The following RUFY3 variants were observed in gnomAD, a reference collection of about 807,000 sequenced individuals.
The protein encoded by RUFY3 is RUN and FYVE domain containing 3.
In RUFY3, 34 loss-of-function variants were observed where a neutral mutation model predicts 84.0. That is an observed-to-expected ratio of 0.40 (90% CI 0.31 to 0.54). RUFY3 has a LOEUF of 0.54. Ranked by LOEUF, RUFY3 falls within the 20% of genes least tolerant of loss-of-function variation. RUFY3 has a pLI of 0.39. For missense variants in RUFY3, 507 were observed against 736.8 expected, an observed-to-expected ratio of 0.69 and a Z score of 3.61; for synonymous variants, 242 against 252.9, an observed-to-expected ratio of 0.96 and a Z score of 0.41.
chr4:70,750,584 G>T (rs977449306), intron 1 of RUFY3, among the ~76,000 whole-genome samples: 1 of 152,126 alleles, frequency 6.6e-6, no homozygotes, highest in Non-Finnish European at 1.5e-5. Context: ...GTACAATTCA[G>T]TGGTGGTTAG....
chr4:70,804,497 C>A, intron 17 of RUFY3, 81 bp downstream of exon 17: 1 of 1,225,612 alleles, frequency 8.2e-7, no homozygotes, highest in Non-Finnish European at 1.2e-6. Context: ...GTAACAGGGA[C>A]TTTCCCGCAT....
intron 1 of RUFY3, among the ~76,000 whole-genome samples, chr4:70,708,850 G>A (rs1366765428): frequency 6.6e-6 from 1 of 152,038 alleles, no homozygotes; most frequent in Non-Finnish European, 1.5e-5. Flanking sequence ...TTGGAGACCA[G>A]CCTGTACATA....
intron 1 of RUFY3, among the ~76,000 whole-genome samples, chr4:70,726,521 G>A (rs1718269110): frequency 6.6e-6 from 1 of 152,140 alleles, no homozygotes; most frequent in Admixed American, 6.5e-5. Flanking sequence ...TTACAGGCAT[G>A]CGCCACCACG....
At chr4:70,768,776 G>T in intron 5 of RUFY3, 115 bp downstream of exon 5, 2 of 951,526 alleles carry the variant, frequency 2.1e-6, no homozygotes, top group South Asian at 2.1e-5. Flanking sequence ...TCATAAACAG[G>T]ATTTCCTTCC....
At chr4:70,790,788 T>A (rs997341884) in intron 12 of RUFY3, among the ~76,000 whole-genome samples, 12 of 152,228 alleles carry the variant, frequency 7.9e-5, no homozygotes, top group Non-Finnish European at 1.6e-4. Context: ...ATTCAGTAGA[T>A]ATATGAATGA....
chr4:70,756,977 A>AT (rs943069210), intron 1 of RUFY3, among the ~76,000 whole-genome samples: 5 of 151,844 alleles, frequency 3.3e-5, no homozygotes, highest in Admixed American at 1.3e-4. Flanking sequence ...CAAAAAAAAA[A>AT]TTTTTTTAAT....
intron 1 of RUFY3, among the ~76,000 whole-genome samples, chr4:70,733,095 GGAGAGAGAGAGA>G (rs1203024723): frequency 1.6e-5 from 1 of 61,710 alleles, no homozygotes; most frequent in East Asian, 4.3e-4. Flanking sequence ...GAGAGAGAGA[GGAGAGAGAGAGA>G]GAGAGAGAGA....
At chr4:70,786,617 A>G (rs1459461041) in intron 10 of RUFY3, among the ~76,000 whole-genome samples, 1 of 152,132 alleles carries the variant, frequency 6.6e-6, no homozygotes, top group East Asian at 1.9e-4. Flanking sequence ...TGATTTGGTC[A>G]TTACACAATT....
chr4:70,751,430 T>G (rs928095361), intron 1 of RUFY3, among the ~76,000 whole-genome samples: 1 of 152,218 alleles, frequency 6.6e-6, no homozygotes, highest in Non-Finnish European at 1.5e-5. Context: ...GCTAATACCA[T>G]TTGCTTCAAT....
intron 1 of RUFY3, among the ~76,000 whole-genome samples, chr4:70,762,096 G>A (rs1201379882): frequency 6.6e-6 from 1 of 152,146 alleles, no homozygotes; most frequent in African/African-American, 2.4e-5. Flanking sequence ...TGGGAATATC[G>A]CTTCAGCTCA....
chr4:70,715,041 T>C (rs1741406827), intron 1 of RUFY3, among the ~76,000 whole-genome samples: 1 of 152,188 alleles, frequency 6.6e-6, no homozygotes, highest in Non-Finnish European at 1.5e-5. Context: ...AGTATATCAG[T>C]TTATAGTTGT....
At chr4:70,751,311 A>C (rs1002337851) in intron 1 of RUFY3, among the ~76,000 whole-genome samples, 1 of 152,194 alleles carries the variant, frequency 6.6e-6, no homozygotes, top group African/African-American at 2.4e-5. Context: ...TGCTGGGTCA[A>C]ATAACTCATA....
intron 1 of RUFY3, among the ~76,000 whole-genome samples, chr4:70,712,383 G>A (rs900556467): frequency 1.7e-4 from 26 of 152,230 alleles, no homozygotes; most frequent in African/African-American, 5.1e-4. Context: ...ATCACTGTAC[G>A]TTCCCTCACC....
At chr4:70,715,314 G>A (rs903987566) in intron 1 of RUFY3, among the ~76,000 whole-genome samples, 2 of 152,116 alleles carry the variant, frequency 1.3e-5, no homozygotes, top group Non-Finnish European at 2.9e-5. Context: ...GGATGCGGTG[G>A]CTCATGCCTG....
At chr4:70,753,222 A>G (rs992288416) in intron 1 of RUFY3, among the ~76,000 whole-genome samples, 3 of 152,134 alleles carry the variant, frequency 2.0e-5, no homozygotes, top group African/African-American at 4.8e-5. Flanking sequence ...TGTTTCTGTA[A>G]TGTCAATACT....
chr4:70,738,146 C>G (rs1217550086), intron 1 of RUFY3, among the ~76,000 whole-genome samples: 1 of 151,360 alleles, frequency 6.6e-6, no homozygotes, highest in Non-Finnish European at 1.5e-5. Context: ...ACTACCACAC[C>G]TGGCTATTTC....
At chr4:70,720,525 C>T (rs978893326), upstream of RUFY3, among the ~76,000 whole-genome samples, 37 of 127,772 alleles carry the variant, frequency 2.9e-4, no homozygotes, top group Non-Finnish European at 4.2e-4. Flanking sequence ...GCCAGTTTCT[C>T]TACAGAATTT....
At chr4:70,772,688 TTTGCTC>T (rs1204987158) in intron 5 of RUFY3, among the ~76,000 whole-genome samples, 1 of 151,950 alleles carries the variant, frequency 6.6e-6, no homozygotes, top group Non-Finnish European at 1.5e-5. Context: ...GAGACGGAGT[TTTGCTC>T]TTGTTGCCCA....
exon 1 of RUFY3, chr4:70,704,825 GGCGGCGGCGGCGCAGCGGACGGGAC>G: frequency 1.5e-6 from 1 of 669,120 alleles, no homozygotes; most frequent in Non-Finnish European, 2.1e-6. Flanking sequence ...AGGTGGCGGT[GGCGGCGGCGGCGCAGCGGACGGGAC>G]GGGGCGGCGG....
Sources: allele counts gnomAD v4.1 joint callset (sites outside exome capture counted in the v4.1 genomes callset), GRCh38; gene constraint gnomAD v4.1.1; transcripts MANE v1.5; gene names NCBI Gene and HGNC (gene_info 2026-07-23, HGNC 2026-07-21).